SDK1: variants seen among roughly 807,000 people sequenced by gnomAD.
SDK1 encodes the protein protein sidekick-1.
Under a neutral mutation model 245.5 loss-of-function variants are expected in SDK1, and 157 were observed. The observed-to-expected ratio is 0.64, with a 90% CI of 0.56 to 0.73. The LOEUF is 0.73. Ranked by LOEUF, SDK1 falls within the 30% of genes least tolerant of loss-of-function variation. The pLI, the probability that SDK1 is intolerant of heterozygous loss-of-function variation, is 0.00. For missense variants in SDK1, 3,583 were observed against 3,002.3 expected, an observed-to-expected ratio of 1.19 and a Z score of -4.52; for synonymous variants, 1,647 against 1,278.5, an observed-to-expected ratio of 1.29 and a Z score of -6.15.
chr7:4,187,483 G>A (rs1782962219), intron 35 of SDK1, among the ~76,000 whole-genome samples: 1 of 152,180 alleles, frequency 6.6e-6, no homozygotes, highest in Non-Finnish European at 1.5e-5. Context: ...CAGATACAGG[G>A]CTCAGGTTGC....
At position 3,501,729 on chromosome 7, in the gene SDK1, A is replaced by AT. The variant is rs1325881493; in HGVS notation, c.299-117345dup. Among the ~76,000 whole-genome samples, 4 of 152,126 alleles carry AT rather than the reference A, an allele frequency of 2.6e-5. No individual in the cohort carries two copies. The East Asian group carries it at 7.7e-4, about 29-fold the overall frequency. On this transcript the variant is annotated intron_variant, in intron 1 of 44. Transcript: ENST00000404826. ...GGTCCATAATTATCATAATGTTTTT[A>AT]TTTTTTGTTGAAGTATGTGCAGTAT...
At chr7:3,863,850 G>A (rs1045277606) in intron 5 of SDK1, among the ~76,000 whole-genome samples, 70 of 152,186 alleles carry the variant, frequency 4.6e-4, no homozygotes, top group African/African-American at 1.6e-3. Context: ...GGGCGCTTGG[G>A]TTGTTTCTGC....
chr7:4,074,884 C>CTG (rs1554332410), intron 20 of SDK1, among the ~76,000 whole-genome samples: 904 of 62,274 alleles, frequency 0.015, 7 homozygotes, highest in Non-Finnish European at 0.021. Context: ...CTCTCTCTCT[C>CTG]TGTATATATA....
rs772264763 is a variant in SDK1 at position 3,841,711 on chromosome 7, C to T, written c.847+20128C>T. Among the ~76,000 whole-genome samples the T allele has an allele frequency of 1.2e-4, 18 of 151,826 alleles. No homozygotes were observed. The East Asian group carries it at 1.6e-3, about 13-fold the overall frequency. ...CCAAGTAGCTGGGATTATAGGTGCC[C>T]GCCACCATGCCTGGCTAATTTTTGT... On this transcript the variant is annotated intron_variant, in intron 5 of 44. Transcript: ENST00000404826.
intron 4 of SDK1, among the ~76,000 whole-genome samples, chr7:3,792,978 A>G (rs1437869546): frequency 6.6e-6 from 1 of 152,196 alleles, no homozygotes; most frequent in African/African-American, 2.4e-5. Context: ...CAAGCCTTTC[A>G]CATAAGGGGG....
chr7:3,785,446 T>C (rs1218292297), intron 4 of SDK1, among the ~76,000 whole-genome samples: 4 of 152,212 alleles, frequency 2.6e-5, no homozygotes, highest in Non-Finnish European at 5.9e-5. Context: ...CATTACTTTG[T>C]ACCCCATACA....
intron 31 of SDK1, 143 bp from the exon 32 acceptor site, chr7:4,161,643 G>A: frequency 1.5e-6 from 1 of 674,908 alleles, no homozygotes; most frequent in Non-Finnish European, 2.7e-6. Context: ...GAAGCCCCGA[G>A]GAAGGGCAGG....
At position 3,849,056 on chromosome 7, in the gene SDK1, T is replaced by A. The variant is rs557349576; in HGVS notation, c.847+27473T>A. Among the ~76,000 whole-genome samples the A allele has an allele frequency of 3.3e-5, 5 of 152,324 alleles. No individual in the cohort carries two copies. In the South Asian group the frequency reaches 1.0e-3, roughly 32 times the overall value. On this transcript the variant is annotated intron_variant, in intron 5 of 44. Transcript: ENST00000404826. ...ATCAGATCTTCACTTCCTGGCCTGG[T>A]ATTTAAGACTTTTCATACCCGTCCT...
chr7:3,819,438 A>G (rs375113296), intron 4 of SDK1, among the ~76,000 whole-genome samples: 14 of 152,098 alleles, frequency 9.2e-5, no homozygotes, highest in Admixed American at 3.3e-4. Context: ...CTGAGAAACA[A>G]TAGGCATATT....
At chr7:3,579,630 C>A (rs1780417439) in intron 1 of SDK1, among the ~76,000 whole-genome samples, 6 of 152,188 alleles carry the variant, frequency 3.9e-5, no homozygotes. Flanking sequence ...AGGATGCCCT[C>A]TCTCACCAAT....
intron 13 of SDK1, among the ~76,000 whole-genome samples, chr7:3,978,867 G>T (rs1365064308): frequency 6.6e-6 from 1 of 152,212 alleles, no homozygotes; most frequent in Non-Finnish European, 1.5e-5. Context: ...CTCCACTTCA[G>T]TTAAAAGCTG....
chr7:4,256,773 A>G (rs1007493607), intron 44 of SDK1, among the ~76,000 whole-genome samples: 11 of 152,222 alleles, frequency 7.2e-5, no homozygotes, highest in African/African-American at 2.7e-4. Flanking sequence ...CCAGGGGATA[A>G]GGAGTGAGAA....
chr7:4,265,507 GTGA>G lies in SDK1; in HGVS notation c.*128_*130del, dbSNP rs1004857369. 55 of 1,371,522 alleles carry G rather than the reference GTGA, an allele frequency of 4.0e-5. No individual in the cohort carries two copies. The highest frequency in any genetic ancestry group is 5.4e-4 in the Middle Eastern group (2 of 3,720). 85.0% of individuals were successfully genotyped at this position (1,371,522 alleles called of 1,614,324 possible). A position where few individuals can be genotyped will look rare whatever the true frequency, so the allele number is the denominator to read the frequency against. On this transcript the variant is annotated 3_prime_UTR_variant, in exon 45 of 45. Transcript: ENST00000404826. The stretch of plus-strand genomic sequence containing the variant: ...GTTTAAAAAGAAAAAAATCTGATAA[GTGA>G]TGATTTTACCTACTTGTGGACACTA...
chr7:3,715,500 G>A (rs1225604410), intron 4 of SDK1, among the ~76,000 whole-genome samples: 1 of 152,058 alleles, frequency 6.6e-6, no homozygotes, highest in Non-Finnish European at 1.5e-5. Flanking sequence ...GTGATGCAGG[G>A]AAGCCCAGGG....
chr7:3,491,060 A>T (rs1281113160), intron 1 of SDK1, among the ~76,000 whole-genome samples: 1 of 152,240 alleles, frequency 6.6e-6, no homozygotes, highest in Non-Finnish European at 1.5e-5. Context: ...TAACCTCCAG[A>T]GAGGTGTTAT....
At chr7:4,131,060 C>T (rs1011594160) in intron 27 of SDK1, among the ~76,000 whole-genome samples, 10 of 152,198 alleles carry the variant, frequency 6.6e-5, no homozygotes, top group African/African-American at 2.4e-4. Flanking sequence ...CACAAGGTCT[C>T]AGGCTAGAGG....
chr7:3,981,699 C>G (rs937694240), intron 13 of SDK1, among the ~76,000 whole-genome samples: 2 of 152,126 alleles, frequency 1.3e-5, no homozygotes, highest in Admixed American at 1.3e-4. Flanking sequence ...TTCCCTTAGG[C>G]CAAAGCCTAA....
chr7:3,414,516 C>T (rs1456334168), intron 1 of SDK1, among the ~76,000 whole-genome samples: 1 of 152,026 alleles, frequency 6.6e-6, no homozygotes. Context: ...TATAGATCTT[C>T]CTTGATCACA....
At chr7:3,779,756 C>T (rs926876251) in intron 4 of SDK1, among the ~76,000 whole-genome samples, 1 of 151,826 alleles carries the variant, frequency 6.6e-6, no homozygotes, top group Non-Finnish European at 1.5e-5. Context: ...CAAGGTGAAA[C>T]CCCGTCTCTA....
Sources: gnomAD v4.1 joint callset for allele counts (sites outside exome capture counted in the v4.1 genomes callset) on GRCh38, gnomAD v4.1.1 for gene constraint, MANE v1.5 for transcripts, NCBI Gene and HGNC (gene_info 2026-07-23, HGNC 2026-07-21) for gene names.